The following WDR48 variants were observed in gnomAD, a reference collection of about 807,000 sequenced individuals.
WDR48 encodes the protein WD repeat domain 48, also known as WD repeat-containing protein 48.
A neutral mutation model predicts 94.0 loss-of-function variants in WDR48; 22 were observed. The observed-to-expected ratio is 0.23, with a 90% CI of 0.17 to 0.33. The LOEUF is 0.33. Among genes scored for constraint, WDR48 ranks in the 10% least tolerant of loss-of-function variants. The pLI, the probability that WDR48 is intolerant of heterozygous loss-of-function variation, is 1.00. For missense variants in WDR48, 541 were observed against 813.8 expected, an observed-to-expected ratio of 0.66 and a Z score of 4.08; for synonymous variants, 278 against 280.5, an observed-to-expected ratio of 0.99 and a Z score of 0.09.
chr3:39,077,305 C>T (rs57038180), intron 9 of WDR48, 92 bp downstream of exon 9: 82,032 of 1,400,200 alleles, frequency 0.059, 2,952 homozygotes, highest in African/African-American at 0.16. Context: ...CAGTGTGGCC[C>T]TAACTCTAGC....
rs762219212 is a variant in WDR48, at chr3:39,078,233, A to C, written c.1069A>C (p.Ile357Leu). The C allele has an allele frequency of 6.2e-7, 1 of 1,608,072 alleles. No homozygotes were observed. ...TCTTTGTACACAACCTGACCAGGTT[A>C]TTAAAGGTAAGAAAATGGAAGGTAC... ...TPLCTQPDQV[I>L]KGGASIIQCH... The change falls in exon 10 of 19, where the codon ATT becomes CTT. Residue 357 changes from isoleucine (I) to leucine (L), a missense_variant. Physicochemically the swap from Ile to Leu is conservative, Grantham distance 5. Coordinates refer to ENST00000302313, the MANE Select transcript of WDR48 (RefSeq NM_020839.4).
intron 11 of WDR48, among the ~76,000 whole-genome samples, chr3:39,081,381 T>C (rs1559619140): frequency 6.6e-6 from 1 of 152,204 alleles, no homozygotes; most frequent in Non-Finnish European, 1.5e-5. Flanking sequence ...GGAAGTCCAT[T>C]ATGAAACAGT....
intron 13 of WDR48, among the ~76,000 whole-genome samples, chr3:39,085,176 G>A (rs1426907116): frequency 1.3e-5 from 2 of 151,700 alleles, no homozygotes; most frequent in African/African-American, 4.9e-5. Context: ...GCAGTGAGCC[G>A]AGATTGCACC....
Position 39,072,686 on chromosome 3 carries a change from T to C in WDR48, c.673-2040T>C, listed in dbSNP as rs1041240142. ...CCTAGTCCCAGGAGTTACCTCATAA[T>C]GAACATCTTCATGTTTATCTATGTT... On this transcript the variant is annotated intron_variant, in intron 7 of 18. Coordinates refer to ENST00000302313, the MANE Select transcript of WDR48 (RefSeq NM_020839.4). Among the ~76,000 whole-genome samples the C allele has an allele frequency of 2.0e-5, 3 of 152,362 alleles. No individual in the cohort carries two copies. In the East Asian group the frequency reaches 5.8e-4, roughly 29 times the overall value.
At chr3:39,060,198 C>CT (rs1248910429) in intron 1 of WDR48, among the ~76,000 whole-genome samples, 5 of 152,090 alleles carry the variant, frequency 3.3e-5, no homozygotes, top group Non-Finnish European at 7.4e-5. Flanking sequence ...TTTAATTACT[C>CT]TATGTTCATT....
In WDR48 at chr3:39,088,256, G is replaced by A. The variant is rs769706550; in HGVS notation, c.1580+23G>A. 96 of 1,609,440 alleles carry A rather than the reference G, an allele frequency of 6.0e-5. 1 individual carries two copies. In the South Asian group the frequency reaches 1.0e-3, roughly 17 times the overall value. On this transcript the variant is annotated intron_variant, in intron 15 of 18. Coordinates refer to ENST00000302313, the MANE Select transcript of WDR48 (RefSeq NM_020839.4). ...CAGGTATGGGTAAGAAAGACAAGAG[G>A]TTCTGCCTGAGAAGGTATCCCATTT...
intron 7 of WDR48, among the ~76,000 whole-genome samples, chr3:39,074,520 T>C (rs1449714195): frequency 1.3e-5 from 2 of 152,240 alleles, no homozygotes; most frequent in Non-Finnish European, 2.9e-5. Flanking sequence ...ATTACATATT[T>C]GGGAAGAATA....
rs560376697 is a variant in WDR48, at chr3:39,052,837, C to T, written c.48+764C>T. Among the ~76,000 whole-genome samples the T allele has an allele frequency of 1.0e-3, 156 of 152,074 alleles. 1 individual carries two copies. The South Asian group carries it at 0.019, about 19-fold the overall frequency. ...TGCGGTTACGCTTAAGAGTTACTGC[C>T]ACTTCGGGGAACATCACACACCGGG... On this transcript the variant is annotated intron_variant, in intron 1 of 18. Coordinates refer to ENST00000302313, the MANE Select transcript of WDR48 (RefSeq NM_020839.4).
rs191686899 is a variant in WDR48, at chr3:39,061,147, C to T, written c.49-1903C>T. Among the ~76,000 whole-genome samples the T allele has an allele frequency of 4.9e-3, 742 of 152,088 alleles. 6 individuals are homozygous for T. The highest frequency in any genetic ancestry group is 0.017 in the African/African-American group (694 of 41,470). On this transcript the variant is annotated intron_variant, in intron 1 of 18. Transcript: ENST00000302313. ...CAAGTTCTAGGGTACATGTGCACAA[C>T]GTGCAGGTTTGTTACATAAGTATAC...
chr3:39,054,194 TAG>T (rs2032696558), intron 1 of WDR48, among the ~76,000 whole-genome samples: 1 of 152,180 alleles, frequency 6.6e-6, no homozygotes, highest in Admixed American at 6.5e-5. Context: ...AAACATAAAT[TAG>T]AGTTGCCCTC....
At chr3:39,074,239 TAG>T (rs2034094830) in intron 7 of WDR48, among the ~76,000 whole-genome samples, 1 of 152,154 alleles carries the variant, frequency 6.6e-6, no homozygotes, top group Non-Finnish European at 1.5e-5. Context: ...AGTGGCCAGG[TAG>T]AGAGGACAAA....
chr3:39,076,030 A>G (rs970679547), intron 8 of WDR48, among the ~76,000 whole-genome samples: 1 of 152,176 alleles, frequency 6.6e-6, no homozygotes, highest in Non-Finnish European at 1.5e-5. Context: ...AGGCAGAAAA[A>G]TACTACTACT....
intron 1 of WDR48, among the ~76,000 whole-genome samples, chr3:39,061,544 G>C (rs2033265207): frequency 6.6e-6 from 1 of 152,112 alleles, no homozygotes; most frequent in Non-Finnish European, 1.5e-5. Flanking sequence ...ATTGTGAATA[G>C]TGCTGCAATA....
chr3:39,081,363 T>C (rs1436907026), intron 11 of WDR48, among the ~76,000 whole-genome samples: 2 of 152,208 alleles, frequency 1.3e-5, no homozygotes, highest in African/African-American at 4.8e-5. Flanking sequence ...CTGTGGGACA[T>C]CTATGTGGGA....
rs753384108 is a variant in WDR48, at chr3:39,069,627, C to CT, written c.571-15dup. 8 of 1,591,826 alleles carry CT rather than the reference C, an allele frequency of 5.0e-6. No individual in the cohort carries two copies. The African/African-American group carries it at 6.8e-5, about 13-fold the overall frequency. ...TGATATATTTAGTTTGTGTAATACTCTATTAAAATTCACAGGTGTTACGGG... is the reference window on the plus strand; with the variant it reads ...TGATATATTTAGTTTGTGTAATACTCTTATTAAAATTCACAGGTGTTACGGG... On this transcript the variant is annotated splice_polypyrimidine_tract_variant and intron_variant, in intron 6 of 18. Transcript: ENST00000302313.
chr3:39,080,843 G>A (rs921196036), intron 11 of WDR48, among the ~76,000 whole-genome samples: 3 of 152,178 alleles, frequency 2.0e-5, no homozygotes, highest in African/African-American at 7.2e-5. Flanking sequence ...GAAAAGGATG[G>A]TATGTGCTTA....
intron 14 of WDR48, among the ~76,000 whole-genome samples, chr3:39,087,137 T>C (rs1358886285): frequency 6.6e-6 from 1 of 152,184 alleles, no homozygotes; most frequent in Non-Finnish European, 1.5e-5. Flanking sequence ...CCACAAATGC[T>C]ATAGGATTTC....
chr3:39,059,392 G>A (rs1189291225), intron 1 of WDR48, among the ~76,000 whole-genome samples: 1 of 152,184 alleles, frequency 6.6e-6, no homozygotes, highest in Non-Finnish European at 1.5e-5. Flanking sequence ...AAGAAGCTGG[G>A]GGCAGTCAGT....
At chr3:39,094,132 C>T in intron 18 of WDR48, 66 bp downstream of exon 18, 2 of 1,541,208 alleles carry the variant, frequency 1.3e-6, no homozygotes, top group South Asian at 1.3e-5. Context: ...AGTTACATGC[C>T]TTTGGGTGGG....
Sources: gnomAD v4.1 joint callset for allele counts (sites outside exome capture counted in the v4.1 genomes callset) on GRCh38, gnomAD v4.1.1 for gene constraint, MANE v1.5 for transcripts, NCBI Gene and HGNC (gene_info 2026-07-23, HGNC 2026-07-21) for gene names.